The following ADAT2 variants were observed in gnomAD, a reference collection of about 807,000 sequenced individuals.
ADAT2 encodes tRNA-specific adenosine-34 deaminase catalytic subunit ADAT2.
ADAT2 carries 26 observed loss-of-function variants against 25.9 expected under a neutral mutation model. That is an observed-to-expected ratio of 1.00 (90% CI 0.74 to 1.39). The LOEUF is 1.39. Ranked by LOEUF, ADAT2 falls within the 40% of genes most tolerant of loss-of-function variation. The pLI, the probability that ADAT2 is intolerant of heterozygous loss-of-function variation, is 0.00. For synonymous variants in ADAT2, 76 were observed against 86.8 expected, an observed-to-expected ratio of 0.88 and a Z score of 0.69; for missense variants, 220 against 244.8, an observed-to-expected ratio of 0.90 and a Z score of 0.68.
At chr6:143,445,122 A>ATAG (rs1217263508) in intron 1 of ADAT2, among the ~76,000 whole-genome samples, 1 of 151,590 alleles carries the variant, frequency 6.6e-6, no homozygotes, top group Non-Finnish European at 1.5e-5. Context: ...AAACAGTTAT[A>ATAG]TAGTTTAACT....
chr6:143,445,988 T>C (rs1219895450), intron 1 of ADAT2, among the ~76,000 whole-genome samples: 5 of 151,942 alleles, frequency 3.3e-5, no homozygotes, highest in South Asian at 4.2e-4. Context: ...TATGTATAGA[T>C]AGTTAGTCAA....
intron 4 of ADAT2, among the ~76,000 whole-genome samples, chr6:143,429,889 C>A (rs1363255492): frequency 6.6e-6 from 1 of 152,186 alleles, no homozygotes; most frequent in Non-Finnish European, 1.5e-5. Flanking sequence ...TTCGCCATAA[C>A]AAATAACCTT....
chr6:143,435,358 GGTGGTGGCGACTGGGTA>G (rs942641062), intron 2 of ADAT2, among the ~76,000 whole-genome samples: 1 of 152,040 alleles, frequency 6.6e-6, no homozygotes, highest in Non-Finnish European at 1.5e-5. Context: ...GAGAGGAGGT[GGTGGTGGCGACTGGGTA>G]GTGGTGGTGG....
Position 143,434,067 on chromosome 6 carries a change from T to C in ADAT2, c.202-86A>G, listed in dbSNP as rs1294556935. On this transcript the variant is annotated intron_variant, in intron 2 of 5. Coordinates refer to ENST00000237283, the MANE Select transcript of ADAT2 (RefSeq NM_182503.3). This position sits in a 1 kb window ranked among gnomAD's most constrained non-coding sequence, Gnocchi z 4.5. ...ATATACAAAAACTAAGTACAAAATA[T>C]GCGCCTATCCTTTCTGCCAATATTT... 8 of 1,520,330 alleles carry C rather than the reference T, an allele frequency of 5.3e-6. No homozygotes were observed. Among genetic ancestry groups the C allele is most frequent in the South Asian group, 2.4e-5 (2 of 84,722 alleles). The allele number at this position is 1,520,330 out of a possible 1,614,324, so 94.2% of individuals were successfully genotyped here.
Position 143,435,157 on chromosome 6 carries a change from T to TA in ADAT2, c.202-1177dup, listed in dbSNP as rs1554278578. ...GCACACCAAAACTAAGTGGAGAGTT[T>TA]AAAAAAAAAAAAAAAAAAAAGGTTT... On this transcript the variant is annotated intron_variant, in intron 2 of 5. Transcript: ENST00000237283. Among the ~76,000 whole-genome samples the TA allele has an allele frequency of 8.8e-3, 1,071 of 122,042 alleles. 14 individuals are homozygous for TA. The highest frequency in any genetic ancestry group is 0.021 in the Middle Eastern group (5 of 236). 80.1% of individuals were successfully genotyped at this position (122,042 alleles called of 152,430 possible).
At position 143,427,096 on chromosome 6, in the gene ADAT2, AACACACACACACACAC is replaced by A. The variant is rs68003531; in HGVS notation, c.*1351_*1366del. The A allele has an allele frequency of 2.9e-5, 4 of 140,174 alleles. No homozygotes were observed. Among genetic ancestry groups the A allele is most frequent in the South Asian group, 2.3e-4 (1 of 4,302 alleles). The allele number at this position is 140,174 out of a possible 1,614,324, so 8.7% of individuals were successfully genotyped here. A position where few individuals can be genotyped will look rare whatever the true frequency, so the allele number is the denominator to read the frequency against. ...CCATAAAACTTTTCAAATGCAGTTA[AACACACACACACACAC>A]ACACACACACACACACACACACAAA... On this transcript the variant is annotated 3_prime_UTR_variant, in exon 6 of 6. Transcript: ENST00000237283.
At chr6:143,449,684 GCTT>G (rs1279358498) in intron 1 of ADAT2, 1 of 152,198 alleles carries the variant, frequency 6.6e-6, no homozygotes, top group African/African-American at 2.4e-5. Context: ...GTGCTAGCGA[GCTT>G]CTTAACTGGG....
At chr6:143,438,823 T>C in intron 1 of ADAT2, 129 bp from the exon 2 acceptor site, 2 of 726,116 alleles carry the variant, frequency 2.8e-6, no homozygotes, top group Non-Finnish European at 4.6e-6. Context: ...AGCCTTCCCT[T>C]TTCTGGAATA....
At chr6:143,441,393 C>T (rs1779451594) in intron 1 of ADAT2, 1 of 152,054 alleles carries the variant, frequency 6.6e-6, no homozygotes, top group African/African-American at 2.4e-5. Flanking sequence ...AAAGGAATAC[C>T]TGAGGCTGGG....
In ADAT2 at chr6:143,440,114, G is replaced by A. The variant is rs1779414651; in HGVS notation, c.97-1420C>T. 6.6e-6 allele frequency among the ~76,000 whole-genome samples: 1 copy of A among 152,138 alleles called. No individual in the cohort carries two copies. Among genetic ancestry groups the A allele is most frequent in the South Asian group, 2.1e-4 (1 of 4,826 alleles). On this transcript the variant is annotated intron_variant, in intron 1 of 5. Coordinates refer to ENST00000237283, the MANE Select transcript of ADAT2 (RefSeq NM_182503.3). The surrounding 1 kb of genome is among the most constrained non-coding windows in gnomAD (Gnocchi z 4.5). ...GGAAGAGTACAACCCTTGGACTAGTGTACATTCATTCCCATCTCAATGCAG... is the reference window on the plus strand; with the variant it reads ...GGAAGAGTACAACCCTTGGACTAGTATACATTCATTCCCATCTCAATGCAG...
In ADAT2 at chr6:143,442,476, T is replaced by TACACATAC. The variant is rs1554279355; in HGVS notation, c.97-3783_97-3782insGTATGTGT. Among the ~76,000 whole-genome samples, 2 of 142,144 alleles carry TACACATAC rather than the reference T, an allele frequency of 1.4e-5. No individual in the cohort carries two copies. Among genetic ancestry groups the TACACATAC allele is most frequent in the East Asian group, 4.1e-4 (2 of 4,828 alleles). The allele number at this position is 142,144 out of a possible 152,430, so 93.3% of individuals were successfully genotyped here. ...CATGACAAAATTGCATAGGCACGCA[T>TACACATAC]ACACACACACACACACACACACACA... On this transcript the variant is annotated intron_variant, in intron 1 of 5. Coordinates refer to ENST00000237283, the MANE Select transcript of ADAT2 (RefSeq NM_182503.3). This position sits in a 1 kb window ranked among gnomAD's most constrained non-coding sequence, Gnocchi z 4.6.
chr6:143,440,633 C>T lies in ADAT2; in HGVS notation c.97-1939G>A, dbSNP rs1054150639. Among the ~76,000 whole-genome samples the T allele has an allele frequency of 6.6e-6, 1 of 152,174 alleles. No homozygotes were observed. The highest frequency in any genetic ancestry group is 2.4e-5 in the African/African-American group (1 of 41,438). ...CCCAGTTCTGTGACAGTGGTTAAAG[C>T]ATGTCCAGTTTATGCAAGTTCAAAA... On this transcript the variant is annotated intron_variant, in intron 1 of 5. Transcript: ENST00000237283. This position sits in a 1 kb window ranked among gnomAD's most constrained non-coding sequence, Gnocchi z 4.5.
At position 143,450,589 on chromosome 6, in the gene ADAT2, T is replaced by C; in HGVS notation, c.70A>G (p.Lys24Glu). The C allele has an allele frequency of 6.2e-7, 1 of 1,614,042 alleles. No individual in the cohort carries two copies. The highest frequency in any genetic ancestry group is 1.1e-5 in the South Asian group (1 of 91,082). ...ACSVSAEETE[K>E]WMEEAMHMAK... ...ATGTGCATCGCCTCCTCCATCCACT[T>C]TTCGGTCTCCTCTGCCGACACCGAG... Residue 24 changes from lysine to glutamate, a missense_variant, in exon 1 of 6, where the codon AAG (lysine) becomes GAG (glutamate). Transcript: ENST00000237283.
intron 1 of ADAT2, among the ~76,000 whole-genome samples, chr6:143,439,123 A>G (rs1779381194): frequency 6.6e-6 from 1 of 152,154 alleles, no homozygotes; most frequent in Non-Finnish European, 1.5e-5. Context: ...AAATTATAGA[A>G]ATTATCCTCT....
In ADAT2 at chr6:143,432,713, T is replaced by C; in HGVS notation, c.353-102A>G. 6 of 1,073,532 alleles carry C rather than the reference T, an allele frequency of 5.6e-6. No individual in the cohort carries two copies. The highest frequency in any genetic ancestry group is 2.0e-4 in the Middle Eastern group (1 of 4,978). 66.5% of individuals were successfully genotyped at this position (1,073,532 alleles called of 1,614,324 possible). ...CAGCCATCCTGGAGAGGAACGCTCA[T>C]GCTACTCTTCAAACCAGTGAAGCTT... On this transcript the variant is annotated intron_variant, in intron 3 of 5. Coordinates refer to ENST00000237283, the MANE Select transcript of ADAT2 (RefSeq NM_182503.3). This position sits in a 1 kb window ranked among gnomAD's most constrained non-coding sequence, Gnocchi z 4.4.
At position 143,428,326 on chromosome 6, in the gene ADAT2, G is replaced by T; in HGVS notation, c.*137C>A. The T allele has an allele frequency of 1.1e-6, 1 of 940,200 alleles. No individual in the cohort carries two copies. The highest frequency in any genetic ancestry group is 1.6e-6 in the Non-Finnish European group (1 of 629,374). 58.2% of individuals were successfully genotyped at this position (940,200 alleles called of 1,614,324 possible). ...AGTGCTAATTTGTTCCCTTAACAGAGCAAATGATGAGAGACACCATTTTCC... is the reference window on the plus strand; with the variant it reads ...AGTGCTAATTTGTTCCCTTAACAGATCAAATGATGAGAGACACCATTTTCC... On this transcript the variant is annotated 3_prime_UTR_variant, in exon 6 of 6. Coordinates refer to ENST00000237283, the MANE Select transcript of ADAT2 (RefSeq NM_182503.3). The surrounding 1 kb of genome is among the most constrained non-coding windows in gnomAD (Gnocchi z 5.0).
intron 4 of ADAT2, among the ~76,000 whole-genome samples, chr6:143,430,339 G>C (rs911751599): frequency 7.9e-5 from 12 of 152,132 alleles, no homozygotes; most frequent in African/African-American, 2.7e-4. Context: ...ACACAGCACT[G>C]TTGGCCCCCT....
In ADAT2 at chr6:143,427,856, T is replaced by C. The variant is rs1778984832; in HGVS notation, c.*607A>G. The C allele has an allele frequency of 6.6e-6, 1 of 152,302 alleles. No homozygotes were observed. The highest frequency in any genetic ancestry group is 2.4e-5 in the African/African-American group (1 of 41,452). 9.4% of individuals were successfully genotyped at this position (152,302 alleles called of 1,614,324 possible). A position where few individuals can be genotyped will look rare whatever the true frequency, so the allele number is the denominator to read the frequency against. ...AAGGTTTTATTATAGCAATATGCTA[T>C]AATTTTTAAGTGACAACTCAAGCAC... On this transcript the variant is annotated 3_prime_UTR_variant, in exon 6 of 6. Transcript: ENST00000237283.
rs1779432748 is a variant in ADAT2 at position 143,440,639 on chromosome 6, C to A, written c.97-1945G>T. 6.6e-6 allele frequency among the ~76,000 whole-genome samples: 1 copy of A among 152,142 alleles called. No individual in the cohort carries two copies. Among genetic ancestry groups the A allele is most frequent in the African/African-American group, 2.4e-5 (1 of 41,428 alleles). On this transcript the variant is annotated intron_variant, in intron 1 of 5. Transcript: ENST00000237283. The surrounding 1 kb of genome is among the most constrained non-coding windows in gnomAD (Gnocchi z 4.5). ...TCTGTGACAGTGGTTAAAGCATGTC[C>A]AGTTTATGCAAGTTCAAAAGGCTTG...
Sources: allele counts gnomAD v4.1 joint callset (sites outside exome capture counted in the v4.1 genomes callset), GRCh38; gene constraint gnomAD v4.1.1; non-coding constraint Gnocchi (gnomAD v3.1); transcripts MANE v1.5; gene names NCBI Gene and HGNC (gene_info 2026-07-23, HGNC 2026-07-21).